Variants in RBFOX1 observed in about 807,000 individuals in gnomAD.
RBFOX1 encodes the protein RNA binding protein fox-1 homolog 1.
A neutral mutation model predicts 57.7 loss-of-function variants in RBFOX1; 8 were observed. That is an observed-to-expected ratio of 0.14 (90% CI 0.08 to 0.25). RBFOX1 has a LOEUF of 0.25. Ranked by LOEUF, RBFOX1 falls within the 10% of genes least tolerant of loss-of-function variation. The probability of loss-of-function intolerance (pLI) is 1.00; values close to 1 mark genes in which losing one functional copy is unlikely to be tolerated. For missense variants in RBFOX1, 611 were observed against 548.5 expected (o/e 1.11, Z -1.14); for synonymous variants, 326 against 222.4 (o/e 1.47, Z -4.15).
At chr16:6,977,261 C>G (rs1003659003) in intron 3 of RBFOX1, among the ~76,000 whole-genome samples, 1 of 150,456 alleles carries the variant, frequency 6.6e-6, no homozygotes, top group Non-Finnish European at 1.5e-5. Context: ...GGCAGATTTG[C>G]TCTGCTACAA....
intron 3 of RBFOX1, among the ~76,000 whole-genome samples, chr16:5,767,017 G>T (rs1036885470): frequency 1.3e-5 from 2 of 152,194 alleles, no homozygotes; most frequent in Non-Finnish European, 2.9e-5. Flanking sequence ...GCTTCTGGGT[G>T]TTGTGGTTTT....
At chr16:6,664,614 C>T (rs900192612) in intron 3 of RBFOX1, among the ~76,000 whole-genome samples, 3 of 152,080 alleles carry the variant, frequency 2.0e-5, no homozygotes, top group African/African-American at 4.8e-5. Flanking sequence ...CAGTGAGATT[C>T]GACATCATTT....
chr16:6,121,783 C>T (rs1416944109), intron 1 of RBFOX1, among the ~76,000 whole-genome samples: 1 of 152,158 alleles, frequency 6.6e-6, no homozygotes, highest in South Asian at 2.1e-4. Context: ...AGACTGTTTC[C>T]TCCTCTGTAA....
intron 1 of RBFOX1, among the ~76,000 whole-genome samples, chr16:6,126,263 C>G (rs891092468): frequency 6.6e-6 from 1 of 152,218 alleles, no homozygotes; most frequent in East Asian, 1.9e-4. Context: ...GCCAGCGCAT[C>G]GAGGAACAGT....
At chr16:5,560,952 T>A (rs2045869619) in intron 2 of RBFOX1, among the ~76,000 whole-genome samples, 1 of 152,186 alleles carries the variant, frequency 6.6e-6, no homozygotes, top group South Asian at 2.1e-4. Flanking sequence ...GAGATTTCAT[T>A]AGCTACCTGG....
At chr16:6,466,674 C>G (rs925363033) in intron 2 of RBFOX1, among the ~76,000 whole-genome samples, 3 of 152,186 alleles carry the variant, frequency 2.0e-5, no homozygotes, top group Non-Finnish European at 4.4e-5. Context: ...CCCAAAGAGT[C>G]TCCAGGCCCC....
chr16:5,483,923 C>T (rs11641291), intron 2 of RBFOX1, among the ~76,000 whole-genome samples: 52,597 of 150,764 alleles, frequency 0.35, 9,308 homozygotes, highest in Middle Eastern at 0.48. Flanking sequence ...GTGATCCCAG[C>T]ACTTTGAGAG....
At chr16:5,902,021 C>G (rs985079752) in intron 4 of RBFOX1, among the ~76,000 whole-genome samples, 2 of 152,300 alleles carry the variant, frequency 1.3e-5, no homozygotes, top group South Asian at 4.1e-4. Context: ...CTCAGTTATT[C>G]ATGTCATAGT....
chr16:5,884,434 G>C, intron 4 of RBFOX1, among the ~76,000 whole-genome samples: 1 of 151,634 alleles, frequency 6.6e-6, no homozygotes, highest in South Asian at 2.1e-4. Flanking sequence ...AAATCCATCT[G>C]TTCCACCGCC....
chr16:7,578,906 T>C (rs573492934), intron 5 of RBFOX1, among the ~76,000 whole-genome samples: 1 of 152,334 alleles, frequency 6.6e-6, no homozygotes, highest in East Asian at 1.9e-4. Context: ...TGGGTGTCAA[T>C]GTAACGTCAT....
At chr16:6,742,335 A>G (rs1456209894) in intron 3 of RBFOX1, among the ~76,000 whole-genome samples, 1 of 152,210 alleles carries the variant, frequency 6.6e-6, no homozygotes, top group Non-Finnish European at 1.5e-5. Flanking sequence ...AAACTATCAA[A>G]TATTTACAAG....
intron 4 of RBFOX1, among the ~76,000 whole-genome samples, chr16:7,356,929 A>C (rs1226658447): frequency 1.3e-5 from 2 of 152,188 alleles, no homozygotes; most frequent in Middle Eastern, 6.3e-3. Context: ...AGGGGAAAGA[A>C]GATTGAGATC....
intron 1 of RBFOX1, among the ~76,000 whole-genome samples, chr16:5,327,572 C>T (rs923164684): frequency 3.9e-5 from 6 of 152,098 alleles, no homozygotes; most frequent in East Asian, 1.9e-4. Context: ...CAGAGAGAAA[C>T]GCCCCAATCT....
chr16:5,398,510 A>C (rs778337106), intron 1 of RBFOX1, among the ~76,000 whole-genome samples: 3 of 151,790 alleles, frequency 2.0e-5, no homozygotes, highest in Non-Finnish European at 1.5e-5. Flanking sequence ...GCATGTGAGC[A>C]GGTGTGCATG....
intron 4 of RBFOX1, among the ~76,000 whole-genome samples, chr16:7,124,210 G>C (rs985969954): frequency 1.3e-5 from 2 of 152,116 alleles, no homozygotes; most frequent in Non-Finnish European, 2.9e-5. Flanking sequence ...AAGGCAGGAG[G>C]ACTGCTTGAT....
intron 3 of RBFOX1, among the ~76,000 whole-genome samples, chr16:7,047,875 TTTAA>T (rs1039671838): frequency 5.9e-5 from 9 of 151,842 alleles, no homozygotes; most frequent in Non-Finnish European, 7.4e-5. Context: ...TTTATTCCGT[TTTAA>T]TTAATTAATT....
chr16:7,463,465 C>T (rs2059939405), intron 4 of RBFOX1, among the ~76,000 whole-genome samples: 1 of 152,188 alleles, frequency 6.6e-6, no homozygotes, highest in African/African-American at 2.4e-5. Context: ...GATTGCGTCA[C>T]TGCGTTGCAG....
rs117074181 is a variant in RBFOX1 at position 6,862,336 on chromosome 16, C to T, written c.-15-189721C>T. ...GAACAAGCTCACAGGCGATGCTGAT[C>T]GTGCAGGTTCCTGGAAGCACATTTT... On this transcript the variant is annotated intron_variant, in intron 3 of 15. Coordinates refer to ENST00000550418, the MANE Select transcript of RBFOX1 (RefSeq NM_018723.4). 1.5e-3 allele frequency among the ~76,000 whole-genome samples: 221 copies of T among 152,200 alleles called. 2 individuals carry two copies. The East Asian group carries it at 0.021, about 14-fold the overall frequency.
intron 3 of RBFOX1, among the ~76,000 whole-genome samples, chr16:6,671,931 G>T (rs544232821): frequency 3.9e-5 from 6 of 152,156 alleles, no homozygotes; most frequent in Non-Finnish European, 7.3e-5. Context: ...AAACTGTTGC[G>T]ACTACTAAGT....
Sources: gnomAD v4.1 joint callset for allele counts (sites outside exome capture counted in the v4.1 genomes callset) on GRCh38, gnomAD v4.1.1 for gene constraint, MANE v1.5 for transcripts, NCBI Gene and HGNC (gene_info 2026-07-23, HGNC 2026-07-21) for gene names.